EYS: variants seen among roughly 807,000 people sequenced by gnomAD.
EYS encodes the protein EGF-like photoreceptor maintenance factor, also known as protein eyes shut homolog.
In EYS, 250 loss-of-function variants were observed where a neutral mutation model predicts 282.1. The observed-to-expected ratio is 0.89, with a 90% CI of 0.80 to 0.98. The LOEUF (loss-of-function observed/expected upper bound fraction) is 0.98. EYS is among the 50% of genes least tolerant of loss of function. The pLI, the probability that EYS is intolerant of heterozygous loss-of-function variation, is 0.00. For missense variants in EYS, 4,016 were observed against 3,709.0 expected, an observed-to-expected ratio of 1.08 and a Z score of -2.15; for synonymous variants, 1,355 against 1,282.9, an observed-to-expected ratio of 1.06 and a Z score of -1.20.
intron 22 of EYS, among the ~76,000 whole-genome samples, chr6:64,779,833 A>G (rs546286483): frequency 1.3e-5 from 2 of 152,318 alleles, no homozygotes; most frequent in African/African-American, 4.8e-5. Context: ...TTATTTTAAA[A>G]TGCTGTTTGA....
intron 8 of EYS, among the ~76,000 whole-genome samples, chr6:65,375,572 G>A (rs770649352): frequency 2.6e-5 from 4 of 152,022 alleles, no homozygotes; most frequent in Non-Finnish European, 5.9e-5. Context: ...TTCAGAAAGT[G>A]GGTAATAACA....
intron 12 of EYS, among the ~76,000 whole-genome samples, chr6:65,210,623 T>C (rs1240392832): frequency 6.6e-6 from 1 of 151,894 alleles, no homozygotes; most frequent in African/African-American, 2.4e-5. Flanking sequence ...GCGTTGTAAG[T>C]ACATGGCAAA....
intron 14 of EYS, among the ~76,000 whole-genome samples, chr6:64,995,681 C>T (rs1408298902): frequency 6.6e-6 from 1 of 151,034 alleles, no homozygotes; most frequent in Non-Finnish European, 1.5e-5. Context: ...AAGATGAGAA[C>T]TTTATCTCTT....
At chr6:64,128,988 G>T (rs1738153842) in intron 31 of EYS, among the ~76,000 whole-genome samples, 2 of 152,100 alleles carry the variant, frequency 1.3e-5, no homozygotes, top group Admixed American at 1.3e-4. Flanking sequence ...AGAGTGGTGA[G>T]GCAAATTATA....
At chr6:64,599,196 A>G (rs1447035081) in intron 24 of EYS, among the ~76,000 whole-genome samples, 1 of 152,198 alleles carries the variant, frequency 6.6e-6, no homozygotes, top group African/African-American at 2.4e-5. Flanking sequence ...TCTTATTGAT[A>G]TCATAAAAAG....
chr6:65,216,894 AT>A (rs911254041), intron 12 of EYS, among the ~76,000 whole-genome samples: 3 of 152,032 alleles, frequency 2.0e-5, no homozygotes, highest in African/African-American at 7.2e-5. Context: ...TTATTATCTA[AT>A]TCCATTAACA....
rs1401253525 is a variant in EYS, at chr6:65,564,962, A to AGGATATGAACAGACACTT, written c.-332-68970_-332-68969insAAGTGTCTGTTCATATCC. Among the ~76,000 whole-genome samples, 210 of 61,736 alleles carry AGGATATGAACAGACACTT rather than the reference A, an allele frequency of 3.4e-3. 14 individuals carry two copies. The highest frequency in any genetic ancestry group is 8.5e-3 in the Middle Eastern group (1 of 118). The allele number at this position is 61,736 out of a possible 152,430, so 40.5% of individuals were successfully genotyped here. ...AACAACCCCATTAAAAAGTGGGTGA[A>AGGATATGAACAGACACTT]CGGCCGGGCGCGGTGGCTCACGCCT... On this transcript the variant is annotated intron_variant, in intron 2 of 42. Coordinates refer to ENST00000503581, the MANE Select transcript of EYS (RefSeq NM_001142800.2).
At chr6:64,679,126 C>G (rs994846553) in intron 22 of EYS, among the ~76,000 whole-genome samples, 14 of 152,110 alleles carry the variant, frequency 9.2e-5, no homozygotes, top group African/African-American at 2.9e-4. Context: ...TCTCTGCAGT[C>G]TCTACCCCAA....
chr6:64,556,881 C>T (rs1344634768), intron 26 of EYS, among the ~76,000 whole-genome samples: 1 of 151,736 alleles, frequency 6.6e-6, no homozygotes, highest in Non-Finnish European at 1.5e-5. Context: ...AGTAAAATAG[C>T]AGAACCTGAA....
rs181492502 is a variant in EYS at position 65,262,314 on chromosome 6, T to A, written c.2023+33549A>T. On this transcript the variant is annotated intron_variant, in intron 12 of 42. Transcript: ENST00000503581. ...TACATGTCATACAGGACTAAGCACA[T>A]ACTTAATCAAATGTGATGATTGGAA... is the stretch of plus-strand genomic sequence containing the variant. 3.3e-5 allele frequency among the ~76,000 whole-genome samples: 5 copies of A among 152,228 alleles called. No homozygotes were observed. The East Asian group carries it at 5.8e-4, about 18-fold the overall frequency.
chr6:65,314,320 G>T (rs1769240291), intron 11 of EYS, among the ~76,000 whole-genome samples: 1 of 143,632 alleles, frequency 7.0e-6, no homozygotes, highest in Admixed American at 7.2e-5. Context: ...TTTTTATTCT[G>T]TCTCTTCCAA....
At chr6:65,356,707 G>A (rs1006355204) in intron 8 of EYS, among the ~76,000 whole-genome samples, 2 of 151,992 alleles carry the variant, frequency 1.3e-5, no homozygotes, top group African/African-American at 4.8e-5. Flanking sequence ...TGTGATTGCA[G>A]CTCTTAATAC....
chr6:64,987,621 T>TG (rs1391086574), intron 14 of EYS, among the ~76,000 whole-genome samples: 4 of 151,548 alleles, frequency 2.6e-5, no homozygotes, highest in Non-Finnish European at 4.4e-5. Context: ...AAGGGAATCT[T>TG]GGGGGAGGCA....
At chr6:65,072,176 G>A (rs1561951737) in intron 12 of EYS, among the ~76,000 whole-genome samples, 1 of 151,808 alleles carries the variant, frequency 6.6e-6, no homozygotes, top group Non-Finnish European at 1.5e-5. Context: ...ACAATATTGA[G>A]CTGCCTCAGT....
chr6:65,031,242 G>C lies in EYS; in HGVS notation c.2137+26372C>G, dbSNP rs186177390. Reference sequence around the variant, plus strand: ...CCCAGGTTCATAAAACAAGTTCTTAGAGATCTATGAAGAGACTTTATAACC... The same window carrying C: ...CCCAGGTTCATAAAACAAGTTCTTACAGATCTATGAAGAGACTTTATAACC... On this transcript the variant is annotated intron_variant, in intron 13 of 42. Coordinates refer to ENST00000503581, the MANE Select transcript of EYS (RefSeq NM_001142800.2). 2.2e-4 allele frequency among the ~76,000 whole-genome samples: 34 copies of C among 151,294 alleles called. No homozygotes were observed. In the East Asian group the frequency reaches 6.6e-3, roughly 29 times the overall value.
intron 31 of EYS, among the ~76,000 whole-genome samples, chr6:64,155,301 TCATTTCCAAC>T (rs1246803323): frequency 2.0e-5 from 3 of 152,138 alleles, no homozygotes; most frequent in African/African-American, 4.8e-5. Context: ...AAGGGTGTGA[TCATTTCCAAC>T]CATTTCCAAC....
chr6:64,250,072 T>A (rs1201371664), intron 30 of EYS, among the ~76,000 whole-genome samples: 1 of 152,228 alleles, frequency 6.6e-6, no homozygotes, highest in African/African-American at 2.4e-5. Flanking sequence ...AAATGGAAGA[T>A]ACAAATTTCA....
chr6:65,443,126 A>G (rs902339215), intron 5 of EYS, among the ~76,000 whole-genome samples: 2 of 144,774 alleles, frequency 1.4e-5, no homozygotes, highest in Admixed American at 7.1e-5. Context: ...TCATATATGT[A>G]CACATCATAC....
intron 19 of EYS, among the ~76,000 whole-genome samples, chr6:64,868,540 C>A (rs150462786): frequency 6.6e-6 from 1 of 151,278 alleles, no homozygotes. Context: ...TAGACTATTA[C>A]GCAAAACATT....
Sources: allele counts gnomAD v4.1 joint callset (sites outside exome capture counted in the v4.1 genomes callset), GRCh38; gene constraint gnomAD v4.1.1; transcripts MANE v1.5; gene names NCBI Gene and HGNC (gene_info 2026-07-23, HGNC 2026-07-21).